KCNJ6: variants seen among roughly 807,000 people sequenced by gnomAD.
The protein encoded by KCNJ6 is G protein-activated inward rectifier potassium channel 2.
A neutral mutation model predicts 34.2 loss-of-function variants in KCNJ6; 9 were observed. The ratio of observed to expected loss-of-function variants is 0.26; its 90% CI spans 0.16 to 0.46. KCNJ6 has a LOEUF of 0.46. Among genes scored for constraint, KCNJ6 ranks in the 20% least tolerant of loss-of-function variants. The probability of loss-of-function intolerance (pLI) is 1.00; values close to 1 mark genes in which losing one functional copy is unlikely to be tolerated. For missense variants in KCNJ6, 236 were observed against 531.3 expected (o/e 0.44, Z 5.46); for synonymous variants, 196 against 207.1 (o/e 0.95, Z 0.46).
chr21:37,794,628 C>G (rs2055232259), intron 2 of KCNJ6, among the ~76,000 whole-genome samples: 1 of 151,960 alleles, frequency 6.6e-6, no homozygotes, highest in South Asian at 2.1e-4. Flanking sequence ...AACACAGGAA[C>G]AGAGAACCAA....
chr21:37,710,555 G>A (rs950179718), intron 3 of KCNJ6, among the ~76,000 whole-genome samples: 2 of 152,208 alleles, frequency 1.3e-5, no homozygotes, highest in Non-Finnish European at 2.9e-5. Context: ...CACATTTGCC[G>A]AGGAGTGGGC....
intron 1 of KCNJ6, among the ~76,000 whole-genome samples, chr21:37,882,464 G>A (rs2055713981): frequency 6.6e-6 from 1 of 152,204 alleles, no homozygotes; most frequent in African/African-American, 2.4e-5. Context: ...TGGATTTATT[G>A]CACTCTTCAA....
At chr21:37,792,228 G>A (rs2055220325) in intron 2 of KCNJ6, among the ~76,000 whole-genome samples, 1 of 152,202 alleles carries the variant, frequency 6.6e-6, no homozygotes, top group South Asian at 2.1e-4. Context: ...GCTGCTTTGT[G>A]GTCAGTTAGT....
At chr21:37,696,301 C>T (rs1236682674) in intron 3 of KCNJ6, among the ~76,000 whole-genome samples, 1 of 152,192 alleles carries the variant, frequency 6.6e-6, no homozygotes, top group Non-Finnish European at 1.5e-5. Flanking sequence ...ACCTGGCAGA[C>T]ACCACCTGAG....
rs1294287574 is a variant in KCNJ6, at chr21:37,615,411, C to T, written c.*9748G>A. 2.6e-5 allele frequency: 4 copies of T among 152,266 alleles called. No individual in the cohort carries two copies. The highest frequency in any genetic ancestry group is 7.2e-5 in the African/African-American group (3 of 41,418). 9.4% of individuals were successfully genotyped at this position (152,266 alleles called of 1,614,324 possible). A position where few individuals can be genotyped will look rare whatever the true frequency, so the allele number is the denominator to read the frequency against. ...AGTACCCAGCATTCTTAAGCAGTAC[C>T]ATGTCCAGAATTTCTCCAGGGTTTG... On this transcript the variant is annotated 3_prime_UTR_variant, in exon 4 of 4. Transcript: ENST00000609713.
intron 2 of KCNJ6, among the ~76,000 whole-genome samples, chr21:37,776,814 T>C (rs1446598074): frequency 6.6e-6 from 1 of 152,198 alleles, no homozygotes; most frequent in African/African-American, 2.4e-5. Flanking sequence ...ATTCTCTTTT[T>C]TTGTTGTGTC....
rs1292821582 is a variant in KCNJ6 at position 37,892,525 on chromosome 21, T to C, written c.-28+23359A>G. ...GTGGCTCTGACTGGGTTGGGAAATT[T>C]GGGATACCTTTGGGCAAAATGTATT... is the stretch of plus-strand genomic sequence containing the variant. On this transcript the variant is annotated intron_variant, in intron 1 of 3. Coordinates refer to ENST00000609713, the MANE Select transcript of KCNJ6 (RefSeq NM_002240.5). 2.0e-5 allele frequency among the ~76,000 whole-genome samples: 3 copies of C among 152,292 alleles called. No individual in the cohort carries two copies. In the East Asian group the frequency reaches 5.8e-4, roughly 29 times the overall value.
intron 3 of KCNJ6, among the ~76,000 whole-genome samples, chr21:37,676,649 C>T (rs1206902505): frequency 6.6e-6 from 1 of 152,234 alleles, no homozygotes; most frequent in Admixed American, 6.5e-5. Flanking sequence ...GAAAGCAAGG[C>T]ACCAGCCAGA....
rs2054227608 is a variant in KCNJ6 at position 37,607,478 on chromosome 21, A to ATATATATG, written c.*17680_*17681insCATATATA. ...AGTTCTTAAAGATATATATATATAT[A>ATATATATG]TATATTTTTTTTTTATTTTAAAAAA... On this transcript the variant is annotated 3_prime_UTR_variant, in exon 4 of 4. Coordinates refer to ENST00000609713, the MANE Select transcript of KCNJ6 (RefSeq NM_002240.5). 1 of 132,800 alleles carries ATATATATG rather than the reference A, an allele frequency of 7.5e-6. No homozygotes were observed. Among genetic ancestry groups the ATATATATG allele is most frequent in the African/African-American group, 2.9e-5 (1 of 34,200 alleles). 8.2% of individuals were successfully genotyped at this position (132,800 alleles called of 1,614,324 possible).
intron 1 of KCNJ6, among the ~76,000 whole-genome samples, chr21:37,863,867 T>TTG (rs1478358923): frequency 3.5e-5 from 5 of 144,234 alleles, no homozygotes; most frequent in Admixed American, 6.8e-5. Flanking sequence ...TTTGTTTTTT[T>TTG]TTTTTTTTGG....
chr21:37,646,909 G>A (rs1310976566), intron 3 of KCNJ6, among the ~76,000 whole-genome samples: 2 of 152,018 alleles, frequency 1.3e-5, no homozygotes, highest in African/African-American at 2.4e-5. Flanking sequence ...TCCTGACCTC[G>A]TGATCCGCCC....
At chr21:37,850,699 G>A (rs1280942480) in intron 1 of KCNJ6, among the ~76,000 whole-genome samples, 2 of 152,216 alleles carry the variant, frequency 1.3e-5, no homozygotes, top group Middle Eastern at 3.4e-3. Context: ...AGTCACTCAA[G>A]CCCAGTGGTG....
intron 1 of KCNJ6, among the ~76,000 whole-genome samples, chr21:37,851,915 A>C (rs1453922625): frequency 7.1e-6 from 1 of 140,674 alleles, no homozygotes; most frequent in Non-Finnish European, 1.6e-5. Context: ...TTTTTTTTCT[A>C]TATTGTTTAT....
rs2055582251 is a variant in KCNJ6, at chr21:37,859,487, T to TATATATA, written c.-27-18779_-27-18778insTATATAT. 7.4e-4 allele frequency among the ~76,000 whole-genome samples: 62 copies of TATATATA among 84,260 alleles called. 1 individual carries two copies. The highest frequency in any genetic ancestry group is 3.1e-3 in the African/African-American group (51 of 16,600). 55.3% of individuals were successfully genotyped at this position (84,260 alleles called of 152,430 possible). The stretch of plus-strand genomic sequence containing the variant: ...ATTTTAACTATGGGCTTATATTACT[T>TATATATA]TATATATATATATATATATATATAT... On this transcript the variant is annotated intron_variant, in intron 1 of 3. Coordinates refer to ENST00000609713, the MANE Select transcript of KCNJ6 (RefSeq NM_002240.5).
At chr21:37,707,686 C>A (rs992193553) in intron 3 of KCNJ6, among the ~76,000 whole-genome samples, 3 of 186 alleles carry the variant, frequency 0.016, no homozygotes, top group African/African-American at 0.044. Flanking sequence ...ACTGAAGCAG[C>A]AGCACCTCAG....
At chr21:37,637,400 T>A (rs1045223185) in intron 3 of KCNJ6, among the ~76,000 whole-genome samples, 4 of 152,330 alleles carry the variant, frequency 2.6e-5, no homozygotes, top group South Asian at 2.1e-4. Context: ...TGTGGATTTT[T>A]AAAAATGTCT....
At chr21:37,633,030 A>G (rs2054340776) in intron 3 of KCNJ6, among the ~76,000 whole-genome samples, 1 of 152,138 alleles carries the variant, frequency 6.6e-6, no homozygotes, top group Non-Finnish European at 1.5e-5. Context: ...AGTACAAGAA[A>G]GAGAGAAAAA....
At chr21:37,856,298 G>C (rs1331764561) in intron 1 of KCNJ6, among the ~76,000 whole-genome samples, 1 of 152,218 alleles carries the variant, frequency 6.6e-6, no homozygotes, top group Non-Finnish European at 1.5e-5. Context: ...CTGTGCCTAA[G>C]GCAGCAACCA....
At chr21:37,911,778 T>A (rs561693618) in intron 1 of KCNJ6, among the ~76,000 whole-genome samples, 8 of 152,204 alleles carry the variant, frequency 5.3e-5, no homozygotes, top group Non-Finnish European at 1.0e-4. Flanking sequence ...AGAGCATTTA[T>A]CTTGTTTTCA....
Sources: allele counts gnomAD v4.1 joint callset (sites outside exome capture counted in the v4.1 genomes callset), GRCh38; gene constraint gnomAD v4.1.1; transcripts MANE v1.5; gene names NCBI Gene and HGNC (gene_info 2026-07-23, HGNC 2026-07-21).